The following ANGEL1 variants were observed in gnomAD, a reference collection of about 807,000 sequenced individuals.
The protein encoded by ANGEL1 is angel homolog 1.
A neutral mutation model predicts 76.4 loss-of-function variants in ANGEL1; 62 were observed. The observed-to-expected ratio is 0.81, with a 90% CI of 0.66 to 1.00. ANGEL1 has a LOEUF of 1.00. ANGEL1 is among the 50% of genes least tolerant of loss of function. The pLI is 0.00. For missense variants in ANGEL1, 737 were observed against 836.7 expected (o/e 0.88, Z 1.47); for synonymous variants, 340 against 331.7 (o/e 1.03, Z -0.27).
intron 1 of ANGEL1, 38 bp downstream of exon 1, chr14:76,812,726 T>C (rs770101124): frequency 1.7e-5 from 26 of 1,491,136 alleles, no homozygotes; most frequent in Non-Finnish European, 2.2e-5. Context: ...AGGCGAGCCC[T>C]GGCCGGGCTC....
At chr14:76,802,053 T>A (rs1894781916) in intron 7 of ANGEL1, among the ~76,000 whole-genome samples, 1 of 151,808 alleles carries the variant, frequency 6.6e-6, no homozygotes, top group Non-Finnish European at 1.5e-5. Context: ...GTGCCTGCAG[T>A]CCCAGCTACT....
At position 76,809,147 on chromosome 14, in the gene ANGEL1, A is replaced by G. The variant is rs1436248332; in HGVS notation, c.561T>C (p.Pro187=). ...AAGCCTCTTCCTGGGGCACAGGCTC[A>G]GGTGCTATGCTCCAGGCCAACACCG... The part of the protein sequence containing the change: ...DPAVLAWSIA[P]EPVPQEEASI... Residue 187 remains proline, a synonymous_variant, in exon 2 of 10, where the codon CCT becomes CCC. Coordinates refer to ENST00000251089, the MANE Select transcript of ANGEL1 (RefSeq NM_015305.4). 9 of 1,614,166 alleles carry G rather than the reference A, an allele frequency of 5.6e-6. No homozygotes were observed. Among genetic ancestry groups the G allele is most frequent in the Non-Finnish European group, 7.6e-6 (9 of 1,180,010 alleles).
At chr14:76,799,364 G>A (rs1326301452) in intron 7 of ANGEL1, among the ~76,000 whole-genome samples, 4 of 124,726 alleles carry the variant, frequency 3.2e-5, no homozygotes, top group Non-Finnish European at 6.3e-5. Context: ...TGTAATCTCG[G>A]CTCACTGCAA....
At chr14:76,809,967 C>T (rs1895036443) in intron 1 of ANGEL1, 1 of 405,794 alleles carries the variant, frequency 2.5e-6, no homozygotes, top group Non-Finnish European at 4.7e-6. Context: ...TTTTACATGA[C>T]TTAGTTAAGA....
Position 76,789,245 on chromosome 14 carries a change from C to A in ANGEL1, c.1996G>T (p.Glu666Ter). The stretch of plus-strand genomic sequence containing the variant: ...GAGCCCTGTCATGGGGCGGTGACTT[C>A]CATCCCGAAGCTGGCTAGCAGGCAG... ...HLCLLASFGM[E>*]VTAP Residue 666 changes from glutamate (E) to a stop codon, truncating the protein, a stop_gained, in exon 10 of 10, where the codon GAA becomes TAA. Transcript: ENST00000251089. LOFTEE classifies it high-confidence loss of function. 1.2e-6 allele frequency: 2 copies of A among 1,614,202 alleles called. No homozygotes were observed. The highest frequency in any genetic ancestry group is 1.3e-5 in the African/African-American group (1 of 75,064).
chr14:76,790,575 C>T, intron 9 of ANGEL1, 36 bp downstream of exon 9: 5 of 1,579,034 alleles, frequency 3.2e-6, no homozygotes, highest in Non-Finnish European at 4.3e-6. Context: ...TCCCAGGGAC[C>T]TGGGGGTGGA....
rs192004171 is a variant in ANGEL1, at chr14:76,788,972, C to G, written c.*256G>C. 11 of 431,808 alleles carry G rather than the reference C, an allele frequency of 2.5e-5. No homozygotes were observed. Among genetic ancestry groups the G allele is most frequent in the Non-Finnish European group, 4.1e-5 (10 of 242,496 alleles). The allele number at this position is 431,808 out of a possible 1,614,324, so 26.7% of individuals were successfully genotyped here. A position where few individuals can be genotyped will look rare whatever the true frequency, so the allele number is the denominator to read the frequency against. On this transcript the variant is annotated 3_prime_UTR_variant, in exon 10 of 10. Transcript: ENST00000251089. ...CTGGATACATGGAAGGAAGGGGGAG[C>G]CCCCCTTCTGCCTCTCCCAGGGCCA...
At chr14:76,812,701 C>T in intron 1 of ANGEL1, 63 bp downstream of exon 1, 1 of 1,450,212 alleles carries the variant, frequency 6.9e-7, no homozygotes, top group Non-Finnish European at 9.1e-7. Flanking sequence ...GCCCCAGGCC[C>T]GCGGAGCCCC....
intron 4 of ANGEL1, 54 bp downstream of exon 4, chr14:76,807,379 G>C: frequency 6.5e-7 from 1 of 1,542,576 alleles, no homozygotes; most frequent in South Asian, 1.2e-5. Context: ...TCAGGAGAGA[G>C]TAGACAAGTC....
intron 8 of ANGEL1, 110 bp downstream of exon 8, chr14:76,791,187 C>A: frequency 8.4e-7 from 1 of 1,184,610 alleles, no homozygotes; most frequent in South Asian, 1.3e-5. Context: ...GGAAAAAGAG[C>A]TTATCAAAAA....
chr14:76,791,703 C>A (rs893460716), intron 7 of ANGEL1, among the ~76,000 whole-genome samples: 1 of 152,116 alleles, frequency 6.6e-6, no homozygotes, highest in African/African-American at 2.4e-5. Context: ...CTCACTTGTC[C>A]TCCTCTGCCA....
chr14:76,812,658 A>G, intron 1 of ANGEL1, 106 bp downstream of exon 1: 1 of 1,368,528 alleles, frequency 7.3e-7, no homozygotes, highest in Non-Finnish European at 9.4e-7. Context: ...TGCCCGGGGC[A>G]CGGTAGTCGT....
In ANGEL1 at chr14:76,806,596, G is replaced by T; in HGVS notation, c.1200C>A (p.Gly400=). The T allele has an allele frequency of 6.2e-7, 1 of 1,614,056 alleles. No homozygotes were observed. Among genetic ancestry groups the T allele is most frequent in the Non-Finnish European group, 8.5e-7 (1 of 1,180,016 alleles). ...NTHILYNPRR[G]DVKLAQMAIL... ...TGGCCATCTGGGCCAGCTTGACATC[G>T]CCCCGGCGTGGGTTGTAAAGGATAT... Residue 400 remains glycine (G), a synonymous_variant, in exon 5 of 10, where the codon GGC becomes GGA. Coordinates refer to ENST00000251089, the MANE Select transcript of ANGEL1 (RefSeq NM_015305.4).
rs775080797 is a variant in ANGEL1, at chr14:76,790,776, T to TA, written c.1689-3dup. The TA allele has an allele frequency of 1.9e-6, 3 of 1,589,120 alleles. No individual in the cohort carries two copies. Among genetic ancestry groups the TA allele is most frequent in the Non-Finnish European group, 2.6e-6 (3 of 1,166,992 alleles). ...CAGTGCTGGATGGTACCTACAGTCC[T>TA]ACAGGGATGAAGGGGGAAACATTAG... On this transcript the variant is annotated splice_polypyrimidine_tract_variant and splice_region_variant and intron_variant, in intron 8 of 9. Transcript: ENST00000251089.
At chr14:76,790,293 C>T (rs936129944) in intron 9 of ANGEL1, among the ~76,000 whole-genome samples, 9 of 152,180 alleles carry the variant, frequency 5.9e-5, no homozygotes, top group African/African-American at 1.7e-4. Flanking sequence ...AGGTCTCTTA[C>T]CTAACCAAGT....
At chr14:76,793,557 G>GTTTTTTTTTTTTTTT (rs113463837) in intron 7 of ANGEL1, among the ~76,000 whole-genome samples, 1 of 131,868 alleles carries the variant, frequency 7.6e-6, no homozygotes, top group Non-Finnish European at 1.6e-5. Flanking sequence ...GGTTTTTTTG[G>GTTTTTTTTTTTTTTT]TTTTTTTTTT....
Position 76,789,107 on chromosome 14 carries a change from A to C in ANGEL1, c.*121T>G, listed in dbSNP as rs921851552. The C allele has an allele frequency of 1.5e-5, 19 of 1,294,274 alleles. No individual in the cohort carries two copies. Among genetic ancestry groups the C allele is most frequent in the Non-Finnish European group, 1.8e-5 (17 of 935,800 alleles). The allele number at this position is 1,294,274 out of a possible 1,614,324, so 80.2% of individuals were successfully genotyped here. A position where few individuals can be genotyped will look rare whatever the true frequency, so the allele number is the denominator to read the frequency against. On this transcript the variant is annotated 3_prime_UTR_variant, in exon 10 of 10. Coordinates refer to ENST00000251089, the MANE Select transcript of ANGEL1 (RefSeq NM_015305.4). ...TAACCGTGGGAAAAAGGGAACGAGGAGGGGGAAGGGAGGGGATGTAAGTTT... is the reference window on the plus strand; with the variant it reads ...TAACCGTGGGAAAAAGGGAACGAGGCGGGGGAAGGGAGGGGATGTAAGTTT...
In ANGEL1 at chr14:76,802,444, A is replaced by G. The variant is rs376074890; in HGVS notation, c.1618+927T>C. 8.5e-5 allele frequency among the ~76,000 whole-genome samples: 13 copies of G among 152,298 alleles called. No individual in the cohort carries two copies. In the East Asian group the frequency reaches 2.5e-3, roughly 29 times the overall value. ...AAGGGAAGGACTGGGTATTTCAAGT[A>G]ACGGGAATTTTCTTTTTGACACAGG... is the stretch of plus-strand genomic sequence containing the variant. On this transcript the variant is annotated intron_variant, in intron 7 of 9. Transcript: ENST00000251089.
intron 1 of ANGEL1, among the ~76,000 whole-genome samples, chr14:76,811,518 T>TG (rs776448360): frequency 6.0e-4 from 4 of 6,640 alleles, no homozygotes; most frequent in African/African-American, 1.9e-3. Flanking sequence ...AATGTGTAGG[T>TG]GGGGGGGCGG....
Sources: gnomAD v4.1 joint callset for allele counts (sites outside exome capture counted in the v4.1 genomes callset) on GRCh38, gnomAD v4.1.1 for gene constraint, MANE v1.5 for transcripts, NCBI Gene and HGNC (gene_info 2026-07-23, HGNC 2026-07-21) for gene names.